Variants in ECM2 observed in about 807,000 individuals in gnomAD.
ECM2 encodes the protein extracellular matrix protein 2, female organ and adipocyte specific.
In ECM2, 57 loss-of-function variants were observed where a neutral mutation model predicts 67.5. That is an observed-to-expected ratio of 0.84 (90% CI 0.68 to 1.05). The LOEUF is 1.05. ECM2 is among the 50% of genes least tolerant of loss of function. The pLI is 0.00. For missense variants in ECM2, 741 were observed against 822.8 expected (o/e 0.90, Z 1.22); for synonymous variants, 258 against 294.5 (o/e 0.88, Z 1.27).
chr9:92,532,044 T>TTTTTTTTTTTTTTTTTTG (rs1848828968), intron 1 of ECM2, among the ~76,000 whole-genome samples: 1 of 145,434 alleles, frequency 6.9e-6, no homozygotes. Flanking sequence ...ATTTTTTTTT[T>TTTTTTTTTTTTTTTTTTG]GAGATGAGGT....
chr9:92,551,940 T>TGATATATATATATATGATATATATATATG, the ECM2 span, among the ~76,000 whole-genome samples: 1 of 113,386 alleles, frequency 8.8e-6, no homozygotes, highest in Non-Finnish European at 1.8e-5. Context: ...TATATATATA[T>TGATATATATATATATGATATATATATATG]ATATATATAT....
chr9:92,540,623 T>C (rs1244587731), upstream of ECM2, among the ~76,000 whole-genome samples: 2 of 149,222 alleles, frequency 1.3e-5, no homozygotes, highest in South Asian at 2.2e-4. Context: ...ATACAAAAAT[T>C]AGCCGAGCAT....
In ECM2 at chr9:92,516,081, C is replaced by G. The variant is rs970452234; in HGVS notation, c.482-878G>C. 2.0e-5 allele frequency among the ~76,000 whole-genome samples: 3 copies of G among 149,942 alleles called. 1 individual carries two copies. Among genetic ancestry groups the G allele is most frequent in the African/African-American group, 7.3e-5 (3 of 41,004 alleles). ...AGTGCATACTTTTTTTTCCCCCCCC[C>G]GAGACGGAGTCTTGCTCTGTCGCCC... On this transcript the variant is annotated intron_variant, in intron 3 of 9. Transcript: ENST00000344604.
intron 1 of ECM2, among the ~76,000 whole-genome samples, chr9:92,523,236 T>C (rs941977654): frequency 1.5e-4 from 23 of 152,344 alleles, no homozygotes; most frequent in African/African-American, 5.3e-4. Flanking sequence ...TGAGTCACCA[T>C]GCCTGTTCAG....
At chr9:92,536,387 G>A (rs951526414), upstream of ECM2, among the ~76,000 whole-genome samples, 1 of 152,076 alleles carries the variant, frequency 6.6e-6, no homozygotes, top group Non-Finnish European at 1.5e-5. Flanking sequence ...TGATATTCTC[G>A]TCAGCTAAAG....
chr9:92,497,191 G>T (rs1846394764), intron 9 of ECM2, among the ~76,000 whole-genome samples: 1 of 152,178 alleles, frequency 6.6e-6, no homozygotes, highest in Non-Finnish European at 1.5e-5. Flanking sequence ...ATTATTTTTA[G>T]TAGTAAGAGT....
the ECM2 span, among the ~76,000 whole-genome samples, chr9:92,541,945 C>T: frequency 5.9e-5 from 9 of 152,098 alleles, no homozygotes; most frequent in African/African-American, 2.2e-4. Context: ...AAGCATCCGC[C>T]GCCGCACCCA....
Position 92,501,844 on chromosome 9 carries a change from G to A in ECM2, c.1604+669C>T, listed in dbSNP as rs1846699174. On this transcript the variant is annotated intron_variant, in intron 8 of 9. Coordinates refer to ENST00000344604, the MANE Select transcript of ECM2 (RefSeq NM_001393.4). ...CAGTTGTCTGCTGGATTTGCTGCAG[G>A]GCTTGCTTCTGACTCCCTCCCCCTT... is the stretch of plus-strand genomic sequence containing the variant. Among the ~76,000 whole-genome samples the A allele has an allele frequency of 2.0e-5, 3 of 152,174 alleles. No homozygotes were observed. In the South Asian group the frequency reaches 6.2e-4, roughly 32 times the overall value.
chr9:92,508,732 A>G (rs1847157488), intron 6 of ECM2, among the ~76,000 whole-genome samples: 1 of 152,128 alleles, frequency 6.6e-6, no homozygotes, highest in Non-Finnish European at 1.5e-5. Flanking sequence ...AGATTTGGCA[A>G]TTCTCATTAT....
chr9:92,528,358 A>G (rs1161057275), intron 1 of ECM2, among the ~76,000 whole-genome samples: 1 of 152,014 alleles, frequency 6.6e-6, no homozygotes, highest in Non-Finnish European at 1.5e-5. Context: ...GAAAAGATAC[A>G]GCTGGAAATC....
intron 2 of ECM2, 48 bp from the exon 3 acceptor site, chr9:92,517,923 G>A: frequency 6.2e-7 from 1 of 1,605,626 alleles, no homozygotes; most frequent in Non-Finnish European, 8.5e-7. Flanking sequence ...GTGATTATCA[G>A]TAACTGTGAA....
chr9:92,514,943 C>T lies in ECM2; in HGVS notation c.742G>A (p.Gly248Arg), dbSNP rs773939662. The change falls in exon 4 of 10, where the codon GGA becomes AGA. Residue 248 changes from glycine (G) to arginine (R), a missense_variant. Physicochemically the swap from Gly to Arg is moderately radical, Grantham distance 125. Coordinates refer to ENST00000344604, the MANE Select transcript of ECM2 (RefSeq NM_001393.4). Reference sequence around the variant, plus strand: ...TCTCCAGGCCTCTGCTTTCTGTCTCCTCCTCTGCTGTCCCCCTCACTGTAA... The same window carrying T: ...TCTCCAGGCCTCTGCTTTCTGTCTCTTCCTCTGCTGTCCCCCTCACTGTAA... Reference protein sequence around the residue: ...QLYSEGDSRGGDRKQRPGEER... With the variant: ...QLYSEGDSRGRDRKQRPGEER... 14 of 1,614,060 alleles carry T rather than the reference C, an allele frequency of 8.7e-6. No individual in the cohort carries two copies. In the East Asian group the frequency reaches 2.7e-4, roughly 31 times the overall value.
chr9:92,539,284 T>A (rs1442098513), upstream of ECM2: 1 of 152,172 alleles, frequency 6.6e-6, no homozygotes, highest in African/African-American at 2.4e-5. Flanking sequence ...GACTTTCATG[T>A]TGAATTGCAA....
intron 1 of ECM2, among the ~76,000 whole-genome samples, chr9:92,532,013 A>ATAT: frequency 1.5e-5 from 1 of 68,952 alleles, no homozygotes; most frequent in African/African-American, 1.2e-4. Context: ...TTTTTATTTA[A>ATAT]TGTTTTTTTT....
Position 92,517,888 on chromosome 9 carries a change from A to G in ECM2, c.293-13T>C. The G allele has an allele frequency of 6.2e-7, 1 of 1,613,232 alleles. No homozygotes were observed. Among genetic ancestry groups the G allele is most frequent in the Non-Finnish European group, 8.5e-7 (1 of 1,179,554 alleles). ...TGTCCCTTCTTTCCTAGAAGAAAAC[A>G]AAAGCACAAATTTAAATTTCTTATG... On this transcript the variant is annotated splice_polypyrimidine_tract_variant and intron_variant, in intron 2 of 9. Transcript: ENST00000344604.
chr9:92,524,159 T>C (rs1181639936), intron 1 of ECM2, among the ~76,000 whole-genome samples: 1 of 152,154 alleles, frequency 6.6e-6, no homozygotes, highest in East Asian at 1.9e-4. Flanking sequence ...CCGTTTTCTG[T>C]TTTGTGCTTT....
chr9:92,548,421 G>C, the ECM2 span, among the ~76,000 whole-genome samples: 1 of 152,142 alleles, frequency 6.6e-6, no homozygotes, highest in Non-Finnish European at 1.5e-5. Context: ...CCAATTAGGG[G>C]GTTGTCCACC....
rs1395707105 is a variant in ECM2, at chr9:92,517,623, C to T, written c.481+64G>A. ...CATAATTTTAATCTAAAATTAGTAA[C>T]AAAAACAAATGGAAGTTAAAGATTA... On this transcript the variant is annotated intron_variant, in intron 3 of 9. Coordinates refer to ENST00000344604, the MANE Select transcript of ECM2 (RefSeq NM_001393.4). 4.4e-6 allele frequency: 7 copies of T among 1,598,922 alleles called. No homozygotes were observed. In the Admixed American group the frequency reaches 8.4e-5, roughly 19 times the overall value.
At chr9:92,501,300 C>T (rs1846657813) in intron 8 of ECM2, among the ~76,000 whole-genome samples, 1 of 152,106 alleles carries the variant, frequency 6.6e-6, no homozygotes, top group African/African-American at 2.4e-5. Context: ...GCATCAAAGA[C>T]TAGGAGGGAA....
Sources: allele counts gnomAD v4.1 joint callset (sites outside exome capture counted in the v4.1 genomes callset), GRCh38; gene constraint gnomAD v4.1.1; transcripts MANE v1.5; gene names NCBI Gene and HGNC (gene_info 2026-07-23, HGNC 2026-07-21).